The following DUS2 variants were observed in gnomAD, a reference collection of about 807,000 sequenced individuals.
The protein encoded by DUS2 is dihydrouridine synthase 2, also known as tRNA-dihydrouridine(20) synthase [NAD(P)+]-like.
Under a neutral mutation model 71.3 loss-of-function variants are expected in DUS2, and 52 were observed. The ratio of observed to expected loss-of-function variants is 0.73; its 90% CI spans 0.58 to 0.92. The LOEUF (loss-of-function observed/expected upper bound fraction) is 0.92. Ranked by LOEUF, DUS2 falls within the 40% of genes least tolerant of loss-of-function variation. The pLI is 0.00. For synonymous variants in DUS2, 204 were observed against 227.8 expected (o/e 0.90, Z 0.94); for missense variants, 558 against 622.6 (o/e 0.90, Z 1.10).
intron 8 of DUS2, among the ~76,000 whole-genome samples, chr16:68,065,571 C>T (rs887475925): frequency 1.3e-5 from 2 of 151,956 alleles, no homozygotes; most frequent in African/African-American, 4.8e-5. Context: ...GCAGAGGTTA[C>T]AGTGAGCCAA....
chr16:68,076,610 C>T (rs943097389), intron 14 of DUS2, 22 bp from the exon 15 acceptor site: 28 of 1,597,678 alleles, frequency 1.8e-5, no homozygotes, highest in Non-Finnish European at 2.3e-5. Context: ...GTGACCCCAA[C>T]TGCTTCCCTT....
At chr16:68,024,095 C>CT (rs71847664) in intron 1 of DUS2, 79,876 of 135,512 alleles carry the variant, frequency 0.59, 25,802 homozygotes, top group African/African-American at 0.87. Context: ...ATACGAGTCA[C>CT]TTTTTTTTTT....
chr16:68,038,148 A>C lies in DUS2; in HGVS notation c.125A>C (p.Glu42Ala). 3 of 1,613,562 alleles carry C rather than the reference A, an allele frequency of 1.9e-6. No individual in the cohort carries two copies. The highest frequency in any genetic ancestry group is 2.5e-6 in the Non-Finnish European group (3 of 1,179,750). Residue 42 changes from glutamate to alanine, a missense_variant and splice_region_variant, in exon 3 of 17, where the codon GAG becomes GCG. Glu to Ala is a moderately radical substitution (Grantham distance 107, BLOSUM62 -1). Transcript: ENST00000565263. ...LDYGADIVYCEELIDLKMIQC... is the reference protein window; with the variant it reads ...LDYGADIVYCAELIDLKMIQC... The stretch of plus-strand genomic sequence containing the variant: ...TATGGAGCGGACATTGTTTACTGTG[A>C]GGTAAGGGGCTCTGATTTTCTGGGT...
intron 12 of DUS2, among the ~76,000 whole-genome samples, chr16:68,071,360 A>G (rs2034084517): frequency 1.3e-5 from 2 of 152,228 alleles, no homozygotes; most frequent in Non-Finnish European, 2.9e-5. Context: ...TCATAGCAAG[A>G]ACCTTCTAGA....
intron 4 of DUS2, 117 bp from the exon 5 acceptor site, chr16:68,053,447 T>A: frequency 1.1e-6 from 1 of 904,496 alleles, no homozygotes; most frequent in Non-Finnish European, 1.8e-6. Context: ...ATGGTATACA[T>A]TTAGGATCTC....
At chr16:68,076,791 T>G in intron 15 of DUS2, 72 bp downstream of exon 15, 1 of 1,391,252 alleles carries the variant, frequency 7.2e-7, no homozygotes, top group Non-Finnish European at 1.0e-6. Context: ...CAACTCTAGA[T>G]TGCCAGGCTG....
intron 4 of DUS2, among the ~76,000 whole-genome samples, chr16:68,050,342 C>T (rs116267754): frequency 0.044 from 6,685 of 152,116 alleles, 204 homozygotes; most frequent in Non-Finnish European, 0.066. Flanking sequence ...TTCACCATGG[C>T]GGCCAGTCTG....
intron 2 of DUS2, 173 bp from the exon 3 acceptor site, chr16:68,037,833 G>C: frequency 1.7e-6 from 1 of 590,396 alleles, no homozygotes; most frequent in African/African-American, 1.9e-5. Context: ...CTCCAGCCTG[G>C]GTGACAAAGC....
chr16:68,049,684 A>G, intron 4 of DUS2, 134 bp downstream of exon 4: 1 of 813,470 alleles, frequency 1.2e-6, no homozygotes, highest in Non-Finnish European at 2.1e-6. Context: ...TGCTCCCTTG[A>G]GAGCAGTCAC....
At chr16:68,035,460 G>A (rs1206944676) in intron 2 of DUS2, among the ~76,000 whole-genome samples, 1 of 149,022 alleles carries the variant, frequency 6.7e-6, no homozygotes, top group Admixed American at 6.8e-5. Context: ...ATATCTCACT[G>A]TAACCTGAAA....
intron 12 of DUS2, among the ~76,000 whole-genome samples, chr16:68,072,517 C>T (rs140651251): frequency 7.9e-5 from 12 of 152,334 alleles, no homozygotes; most frequent in African/African-American, 1.2e-4. Context: ...AGAAAGGGAG[C>T]GGCTTTCAAG....
Position 68,058,428 on chromosome 16 carries a change from A to G in DUS2, c.369+2004A>G, listed in dbSNP as rs374198478. On this transcript the variant is annotated intron_variant, in intron 7 of 16. Coordinates refer to ENST00000565263, the MANE Select transcript of DUS2 (RefSeq NM_017803.5). ...TTTTTAGTAGAGACGGGGTTTTGCC[A>G]TGTTAGCCAGGCTGGTCTTGAACGC... Among the ~76,000 whole-genome samples the G allele has an allele frequency of 8.5e-5, 13 of 152,078 alleles. No individual in the cohort carries two copies. The East Asian group carries it at 1.4e-3, about 16-fold the overall frequency.
chr16:68,054,779 T>C (rs2033828135), intron 6 of DUS2, among the ~76,000 whole-genome samples, 162 bp downstream of exon 6: 1 of 152,156 alleles, frequency 6.6e-6, no homozygotes, highest in South Asian at 2.1e-4. Context: ...GTGCGGTGGC[T>C]CATGCCTGTA....
At chr16:68,051,878 T>C (rs1282834915) in intron 4 of DUS2, among the ~76,000 whole-genome samples, 1 of 152,192 alleles carries the variant, frequency 6.6e-6, no homozygotes, top group Non-Finnish European at 1.5e-5. Flanking sequence ...TTCAGCAGTA[T>C]GGTTGGGACC....
intron 2 of DUS2, among the ~76,000 whole-genome samples, chr16:68,034,603 C>A (rs1459001500): frequency 6.6e-6 from 1 of 152,154 alleles, no homozygotes; most frequent in Non-Finnish European, 1.5e-5. Flanking sequence ...TGAGCTCAAG[C>A]AATCCATCTG....
intron 8 of DUS2, among the ~76,000 whole-genome samples, chr16:68,065,866 G>A (rs560424789): frequency 1.3e-5 from 2 of 151,716 alleles, no homozygotes; most frequent in South Asian, 2.1e-4. Context: ...TTCTGAGGAC[G>A]GGCTGGAGTG....
In DUS2 at chr16:68,056,550, G is replaced by C. The variant is rs1374464817; in HGVS notation, c.369+126G>C. The C allele has an allele frequency of 2.2e-5, 15 of 691,788 alleles. No homozygotes were observed. The Admixed American group carries it at 3.6e-4, about 16-fold the overall frequency. 42.9% of individuals were successfully genotyped at this position (691,788 alleles called of 1,614,324 possible). Reference sequence around the variant, plus strand: ...ACTAGATGGGGAAAATGCTCAAAAAGATATCGTTAGATGAACTGACAACAT... The same window carrying C: ...ACTAGATGGGGAAAATGCTCAAAAACATATCGTTAGATGAACTGACAACAT... On this transcript the variant is annotated intron_variant, in intron 7 of 16. Coordinates refer to ENST00000565263, the MANE Select transcript of DUS2 (RefSeq NM_017803.5).
chr16:68,029,625 T>G lies in DUS2; in HGVS notation c.-19+4131T>G, dbSNP rs117137862. Among the ~76,000 whole-genome samples the G allele has an allele frequency of 2.7e-3, 410 of 152,100 alleles. 1 individual carries two copies. The highest frequency in any genetic ancestry group is 4.0e-3 in the Non-Finnish European group (271 of 67,988). ...CCATACCCGGCTAATTTTTGTATTT[T>G]TTGGTATAGATGGGGTTTGCCATGT... is the stretch of plus-strand genomic sequence containing the variant. On this transcript the variant is annotated intron_variant, in intron 2 of 16. Transcript: ENST00000565263.
Position 68,034,657 on chromosome 16 carries a change from G to A in DUS2, c.-18-3349G>A, listed in dbSNP as rs558485341. ...CTGGAATTATAGCATGAGCTACCAT[G>A]CCTGGCCTCTTTGTGACTGTTTAGA... On this transcript the variant is annotated intron_variant, in intron 2 of 16. Coordinates refer to ENST00000565263, the MANE Select transcript of DUS2 (RefSeq NM_017803.5). Among the ~76,000 whole-genome samples, 5 of 152,278 alleles carry A rather than the reference G, an allele frequency of 3.3e-5. No homozygotes were observed. In the East Asian group the frequency reaches 5.8e-4, roughly 18 times the overall value.
Sources: gnomAD v4.1 joint callset for allele counts (sites outside exome capture counted in the v4.1 genomes callset) on GRCh38, gnomAD v4.1.1 for gene constraint, MANE v1.5 for transcripts, NCBI Gene and HGNC (gene_info 2026-07-23, HGNC 2026-07-21) for gene names.